PLSCR2: variants seen among roughly 807,000 people sequenced by gnomAD.
PLSCR2 encodes the protein phospholipid scramblase 2.
In PLSCR2, 18 loss-of-function variants were observed where a neutral mutation model predicts 25.3. The ratio of observed to expected loss-of-function variants is 0.71; its 90% CI spans 0.49 to 1.06. PLSCR2 has a LOEUF of 1.06. Ranked by LOEUF, PLSCR2 falls within the 50% of genes least tolerant of loss-of-function variation. PLSCR2 has a pLI of 0.00. For missense variants in PLSCR2, 243 were observed against 269.5 expected (o/e 0.90, Z 0.69); for synonymous variants, 88 against 87.3 (o/e 1.01, Z -0.04).
chr3:146,432,817 T>G (rs1012127162), downstream of PLSCR2, among the ~76,000 whole-genome samples: 4 of 152,292 alleles, frequency 2.6e-5, no homozygotes, highest in Non-Finnish European at 5.9e-5. Context: ...ATACTAGCCA[T>G]GTAATAATGT....
chr3:146,441,461 C>T (rs2040238302), downstream of PLSCR2, among the ~76,000 whole-genome samples: 2 of 151,852 alleles, frequency 1.3e-5, no homozygotes, highest in Admixed American at 6.6e-5. Flanking sequence ...GAAACCCAGA[C>T]TATAATTCAA....
At chr3:146,425,415 C>A (rs1217920914) in intron 2 of PLSCR2, among the ~76,000 whole-genome samples, 1 of 152,134 alleles carries the variant, frequency 6.6e-6, no homozygotes. Flanking sequence ...CATATTAACT[C>A]TGGTACTATG....
At chr3:146,468,547 C>A (rs1162540121) in intron 1 of PLSCR2, among the ~76,000 whole-genome samples, 2 of 152,044 alleles carry the variant, frequency 1.3e-5, no homozygotes, top group South Asian at 4.1e-4. Context: ...AAATAATAAA[C>A]GCTAACTTTC....
intron 6 of PLSCR2, among the ~76,000 whole-genome samples, 183 bp downstream of exon 6, chr3:146,449,023 A>G (rs1461085250): frequency 6.6e-6 from 1 of 152,156 alleles, no homozygotes; most frequent in Non-Finnish European, 1.5e-5. Flanking sequence ...TCAGACATAA[A>G]CTAACCACCT....
chr3:146,462,526 C>T (rs1293263472), upstream of PLSCR2, among the ~76,000 whole-genome samples: 1 of 150,422 alleles, frequency 6.6e-6, no homozygotes, highest in Non-Finnish European at 1.5e-5. Flanking sequence ...TGTAGTGTGG[C>T]ATGATCTTGG....
intron 2 of PLSCR2, among the ~76,000 whole-genome samples, chr3:146,420,169 T>C (rs1484036588): frequency 6.6e-6 from 1 of 152,100 alleles, no homozygotes; most frequent in East Asian, 1.9e-4. Flanking sequence ...TTCTGAAGAT[T>C]GATGTTGACA....
chr3:146,409,263 G>T (rs1170860669), intron 2 of PLSCR2, among the ~76,000 whole-genome samples: 2 of 152,118 alleles, frequency 1.3e-5, no homozygotes, highest in Non-Finnish European at 2.9e-5. Context: ...AATGGGTGGC[G>T]AGCCCACAGG....
At chr3:146,441,778 T>A in exon 7 of PLSCR2, 2 of 1,583,750 alleles carry the variant, frequency 1.3e-6, no homozygotes, top group Non-Finnish European at 8.6e-7. Flanking sequence ...TCCCACACTC[T>A]GACATTCCAG....
At chr3:146,395,561 T>TCA (rs2038245849) in intron 3 of PLSCR2, among the ~76,000 whole-genome samples, 1 of 152,210 alleles carries the variant, frequency 6.6e-6, no homozygotes, top group Non-Finnish European at 1.5e-5. Flanking sequence ...ACCTGAATCA[T>TCA]CATGTTTCTA....
Position 146,459,848 on chromosome 3 carries a change from CTGACT to C in PLSCR2, c.52_56del (p.Ser18AspfsTer11), listed in dbSNP as rs773440684. 30 of 1,589,720 alleles carry C rather than the reference CTGACT, an allele frequency of 1.9e-5. No individual in the cohort carries two copies. The African/African-American group carries it at 2.3e-4, about 12-fold the overall frequency. ...GAGTATTTTACGTATTTGAAATTAC[CTGACT>C]TAAGTATTCCAATCCTGGCGGACAG... On this transcript the variant is annotated frameshift_variant and splice_region_variant, in exon 2 of 7. Transcript: ENST00000610787. LOFTEE classifies it high-confidence loss of function.
chr3:146,444,838 TTTCC>T (rs1399713123), intron 6 of PLSCR2, among the ~76,000 whole-genome samples: 1 of 152,050 alleles, frequency 6.6e-6, no homozygotes, highest in African/African-American at 2.4e-5. Flanking sequence ...CTCTTCCTTC[TTTCC>T]TTCCTTCCTG....
chr3:146,422,545 C>T (rs112293626), intron 2 of PLSCR2, among the ~76,000 whole-genome samples: 9 of 151,982 alleles, frequency 5.9e-5, no homozygotes, highest in South Asian at 2.1e-4. Context: ...TTCCAGTTTC[C>T]GGGTTTCCCA....
At chr3:146,408,534 T>G (rs1249857599) in intron 2 of PLSCR2, among the ~76,000 whole-genome samples, 1 of 152,084 alleles carries the variant, frequency 6.6e-6, no homozygotes, top group African/African-American at 2.4e-5. Flanking sequence ...TTAAGAAAAC[T>G]TTCGATTGTC....
upstream of PLSCR2, among the ~76,000 whole-genome samples, chr3:146,463,338 G>A (rs2041711250): frequency 6.6e-6 from 1 of 151,988 alleles, no homozygotes; most frequent in South Asian, 2.1e-4. Context: ...CACCACGCCC[G>A]GAATAATTTT....
chr3:146,456,171 C>G (rs2041207798), intron 3 of PLSCR2, among the ~76,000 whole-genome samples: 1 of 152,300 alleles, frequency 6.6e-6, no homozygotes, highest in Admixed American at 6.5e-5. Context: ...ATAGGCTAAC[C>G]TCTTCATGAG....
intron 2 of PLSCR2, among the ~76,000 whole-genome samples, chr3:146,409,993 G>C (rs1032398731): frequency 6.6e-6 from 1 of 152,108 alleles, no homozygotes; most frequent in Admixed American, 6.5e-5. Context: ...TGGGTCAGTT[G>C]TATCTAGGCG....
intron 3 of PLSCR2, among the ~76,000 whole-genome samples, chr3:146,456,259 A>C (rs2041214224): frequency 6.6e-6 from 1 of 152,026 alleles, no homozygotes; most frequent in South Asian, 2.1e-4. Context: ...CACATTGGAA[A>C]CCTCTCCTTG....
At chr3:146,422,180 A>G (rs1056427940) in intron 2 of PLSCR2, among the ~76,000 whole-genome samples, 4 of 152,060 alleles carry the variant, frequency 2.6e-5, no homozygotes, top group African/African-American at 9.7e-5. Context: ...CACATCATTC[A>G]TGCCTAGAAG....
chr3:146,479,462 A>C (rs543373663), intron 1 of PLSCR2, among the ~76,000 whole-genome samples: 7 of 152,292 alleles, frequency 4.6e-5, no homozygotes, highest in Non-Finnish European at 8.8e-5. Flanking sequence ...GTAAAACAGA[A>C]TTTAAACCAA....
Sources: allele counts gnomAD v4.1 joint callset (sites outside exome capture counted in the v4.1 genomes callset), GRCh38; gene constraint gnomAD v4.1.1; transcripts MANE v1.5; gene names NCBI Gene and HGNC (gene_info 2026-07-23, HGNC 2026-07-21).